The following SLC44A5 variants were observed in gnomAD, a reference collection of about 807,000 sequenced individuals.
SLC44A5 encodes solute carrier family 44 member 5, also known as choline transporter-like protein 5.
SLC44A5 carries 57 observed loss-of-function variants against 101.8 expected under a neutral mutation model. The observed-to-expected ratio is 0.56, with a 90% CI of 0.45 to 0.70. SLC44A5 has a LOEUF of 0.70. SLC44A5 is among the 30% of genes least tolerant of loss of function. SLC44A5 has a pLI of 0.00. For missense variants in SLC44A5, 737 were observed against 853.1 expected (o/e 0.86, Z 1.70); for synonymous variants, 281 against 290.9 (o/e 0.97, Z 0.35).
At chr1:75,339,471 C>T in intron 4 of SLC44A5, 111 bp downstream of exon 4, 1 of 756,370 alleles carries the variant, frequency 1.3e-6, no homozygotes, top group South Asian at 2.1e-5. Context: ...TATCATTTTC[C>T]CCTCACAGTA....
At chr1:75,225,821 G>A (rs941697747) in intron 13 of SLC44A5, among the ~76,000 whole-genome samples, 5 of 152,136 alleles carry the variant, frequency 3.3e-5, no homozygotes, top group Admixed American at 6.6e-5. Context: ...ATTAAGCTCT[G>A]TATTTTCCTA....
chr1:75,272,779 T>C (rs1441397968), intron 6 of SLC44A5, among the ~76,000 whole-genome samples: 1 of 152,194 alleles, frequency 6.6e-6, no homozygotes, highest in Non-Finnish European at 1.5e-5. Context: ...CCATGCTGTT[T>C]TGGTGACTAT....
chr1:75,240,813 A>G (rs1237285649), intron 9 of SLC44A5, among the ~76,000 whole-genome samples: 1 of 152,100 alleles, frequency 6.6e-6, no homozygotes, highest in Non-Finnish European at 1.5e-5. Flanking sequence ...AATAGAAAAA[A>G]GAAAGAAGAG....
At chr1:75,536,600 CAA>C (rs1192432333) in intron 2 of SLC44A5, among the ~76,000 whole-genome samples, 4,272 of 31,700 alleles carry the variant, frequency 0.13, 50 homozygotes, top group South Asian at 0.18. Flanking sequence ...GACTCCATCT[CAA>C]AAAAAAAAAA....
In SLC44A5 at chr1:75,385,436, G is replaced by A. The variant is rs554096689; in HGVS notation, c.52+11147C>T. On this transcript the variant is annotated intron_variant, in intron 3 of 23. Transcript: ENST00000370859. Reference sequence around the variant, plus strand: ...CAGAGAATACTACAAATATCTCTACGCAAATAAACTAGAAAATCTAGAAGA... The same window carrying A: ...CAGAGAATACTACAAATATCTCTACACAAATAAACTAGAAAATCTAGAAGA... Among the ~76,000 whole-genome samples, 26 of 152,180 alleles carry A rather than the reference G, an allele frequency of 1.7e-4. No homozygotes were observed. In the South Asian group the frequency reaches 3.7e-3, roughly 22 times the overall value.
intron 2 of SLC44A5, among the ~76,000 whole-genome samples, chr1:75,538,357 A>G (rs924409898): frequency 6.6e-6 from 1 of 152,224 alleles, no homozygotes; most frequent in Non-Finnish European, 1.5e-5. Context: ...TGACCACTGG[A>G]AAACACAGAT....
the SLC44A5 span, among the ~76,000 whole-genome samples, chr1:75,658,367 C>T: frequency 6.6e-6 from 1 of 151,980 alleles, no homozygotes; most frequent in Non-Finnish European, 1.5e-5. Context: ...TGAACTACTA[C>T]ACTCAGCCTG....
At chr1:75,215,709 G>T in intron 19 of SLC44A5, 45 bp downstream of exon 19, 2 of 1,155,500 alleles carry the variant, frequency 1.7e-6, no homozygotes, top group East Asian at 2.4e-5. Flanking sequence ...CAAGGTTTGG[G>T]ATTGCAAAGA....
chr1:75,427,139 G>T (rs1288088018), intron 2 of SLC44A5, among the ~76,000 whole-genome samples: 2 of 152,200 alleles, frequency 1.3e-5, no homozygotes, highest in Non-Finnish European at 2.9e-5. Context: ...CTTGATGCAT[G>T]AGGCTTGCAG....
chr1:75,710,642 C>G, the SLC44A5 span: 12 of 143,878 alleles, frequency 8.3e-5, no homozygotes, highest in African/African-American at 2.8e-4. Flanking sequence ...GATGAGTACA[C>G]AAAGCACAGA....
At chr1:75,293,293 T>G (rs997670257) in intron 5 of SLC44A5, among the ~76,000 whole-genome samples, 7 of 152,328 alleles carry the variant, frequency 4.6e-5, no homozygotes, top group African/African-American at 1.7e-4. Context: ...AAGCATGTTC[T>G]TGTTGTGCTC....
At chr1:75,309,677 A>C (rs1655159079) in intron 4 of SLC44A5, among the ~76,000 whole-genome samples, 1 of 152,250 alleles carries the variant, frequency 6.6e-6, no homozygotes, top group Non-Finnish European at 1.5e-5. Context: ...GAAATAGTAT[A>C]ATAAGGAATA....
At chr1:75,423,639 T>C (rs957140562) in intron 2 of SLC44A5, among the ~76,000 whole-genome samples, 4 of 152,228 alleles carry the variant, frequency 2.6e-5, no homozygotes, top group Non-Finnish European at 5.9e-5. Flanking sequence ...TGTGCCTGGC[T>C]CTATTTGCCT....
In SLC44A5 at chr1:75,376,354, C is replaced by A. The variant is rs553966637; in HGVS notation, c.52+20229G>T. On this transcript the variant is annotated intron_variant, in intron 3 of 23. Coordinates refer to ENST00000370859, the MANE Select transcript of SLC44A5 (RefSeq NM_001130058.2). ...CCCACCACAGCTCAAGGAGGCCTGC[C>A]TGCCTCTGTAGGCTCCACCCCTGGG... is the stretch of plus-strand genomic sequence containing the variant. 2.3e-4 allele frequency among the ~76,000 whole-genome samples: 35 copies of A among 152,326 alleles called. No homozygotes were observed. The South Asian group carries it at 6.4e-3, about 28-fold the overall frequency.
At chr1:75,685,406 G>A in the SLC44A5 span, among the ~76,000 whole-genome samples, 1 of 152,178 alleles carries the variant, frequency 6.6e-6, no homozygotes, top group Non-Finnish European at 1.5e-5. Flanking sequence ...GCATAATCAC[G>A]CTGCAAATTT....
intron 3 of SLC44A5, among the ~76,000 whole-genome samples, chr1:75,389,322 G>T (rs1046356665): frequency 1.3e-5 from 2 of 151,950 alleles, no homozygotes; most frequent in Non-Finnish European, 2.9e-5. Context: ...TGACCAACCG[G>T]ACCTAAAAGA....
chr1:75,675,192 T>C, the SLC44A5 span, among the ~76,000 whole-genome samples: 2 of 152,240 alleles, frequency 1.3e-5, no homozygotes, highest in Admixed American at 1.3e-4. Context: ...AATCTATAAA[T>C]TATTTTGGGC....
At chr1:75,453,641 T>A (rs988914870) in intron 2 of SLC44A5, among the ~76,000 whole-genome samples, 4 of 151,994 alleles carry the variant, frequency 2.6e-5, no homozygotes, top group Non-Finnish European at 1.5e-5. Flanking sequence ...CCAAGATCAA[T>A]AGACCACTAG....
At chr1:75,425,531 G>A (rs1664257572) in intron 2 of SLC44A5, among the ~76,000 whole-genome samples, 1 of 152,172 alleles carries the variant, frequency 6.6e-6, no homozygotes, top group South Asian at 2.1e-4. Context: ...AGGCTGCACA[G>A]ACGATTATCT....
Sources: allele counts gnomAD v4.1 joint callset (sites outside exome capture counted in the v4.1 genomes callset), GRCh38; gene constraint gnomAD v4.1.1; transcripts MANE v1.5; gene names NCBI Gene and HGNC (gene_info 2026-07-23, HGNC 2026-07-21).